Variants in DPH6 observed in about 807,000 individuals in gnomAD.
The protein encoded by DPH6 is diphthine--ammonia ligase.
Under a neutral mutation model 38.2 loss-of-function variants are expected in DPH6, and 33 were observed. That is an observed-to-expected ratio of 0.86 (90% CI 0.65 to 1.15). The LOEUF is 1.15. Among genes scored for constraint, DPH6 ranks in the 50% most tolerant of loss-of-function variants. The pLI is 0.00. For missense variants in DPH6, 325 were observed against 320.0 expected, an observed-to-expected ratio of 1.02 and a Z score of -0.12; for synonymous variants, 108 against 103.0, an observed-to-expected ratio of 1.05 and a Z score of -0.30.
At chr15:35,535,909 C>T (rs1480787564) in intron 3 of DPH6, among the ~76,000 whole-genome samples, 1 of 152,034 alleles carries the variant, frequency 6.6e-6, no homozygotes, top group African/African-American at 2.4e-5. Flanking sequence ...GTAAATTAAA[C>T]TCTTTGCAAA....
rs569568875 is a variant in DPH6 at position 35,419,017 on chromosome 15, G to A, written c.506-8121C>T. 1.0e-3 allele frequency among the ~76,000 whole-genome samples: 154 copies of A among 150,730 alleles called. 1 individual carries two copies. The highest frequency in any genetic ancestry group is 3.6e-3 in the African/African-American group (149 of 40,950). ...TCTATAATTCTTGATAAATCCACTG[G>A]ATACAAGAACTGAATACCTCATGTA... On this transcript the variant is annotated intron_variant, in intron 5 of 8. Coordinates refer to ENST00000256538, the MANE Select transcript of DPH6 (RefSeq NM_080650.4).
intron 4 of DPH6, among the ~76,000 whole-genome samples, chr15:35,451,382 C>A (rs1485879356): frequency 6.6e-6 from 1 of 151,890 alleles, no homozygotes; most frequent in Admixed American, 6.6e-5. Flanking sequence ...AATTTAAAAC[C>A]TCATTTTGTA....
At chr15:35,456,652 T>A (rs1203039680) in intron 3 of DPH6, among the ~76,000 whole-genome samples, 6 of 151,700 alleles carry the variant, frequency 4.0e-5, no homozygotes, top group Non-Finnish European at 8.8e-5. Flanking sequence ...CACGCCCAGC[T>A]AAGTTTTGTA....
At chr15:35,322,643 T>C (rs1204136303) in intron 3 of DPH6, among the ~76,000 whole-genome samples, 2 of 152,222 alleles carry the variant, frequency 1.3e-5, no homozygotes. Context: ...TAACAAGTTT[T>C]GGGTGGGAGC....
chr15:35,446,871 T>TA (rs1329588879), intron 5 of DPH6, among the ~76,000 whole-genome samples: 16 of 141,366 alleles, frequency 1.1e-4, no homozygotes, highest in African/African-American at 4.7e-4. Context: ...AGGTGGAATC[T>TA]TTTTTTTTTT....
At position 35,242,084 on chromosome 15, in the gene DPH6, G is replaced by A. The variant is rs1003077531; in HGVS notation, n.201-21502C>T. On this transcript the variant is annotated intron_variant and non_coding_transcript_variant, in intron 3 of 3. Transcript: ENST00000560386. The stretch of plus-strand genomic sequence containing the variant: ...TCCCAGCCTCTCTTCGCTTTCACTT[G>A]GACTGACCCTGACACCCATCAGGCT... Among the ~76,000 whole-genome samples the A allele has an allele frequency of 5.5e-5, 8 of 144,546 alleles. 1 individual carries two copies. Among genetic ancestry groups the A allele is most frequent in the Non-Finnish European group, 1.5e-5 (1 of 65,754 alleles). 94.8% of individuals were successfully genotyped at this position (144,546 alleles called of 152,430 possible). A position where few individuals can be genotyped will look rare whatever the true frequency, so the allele number is the denominator to read the frequency against.
intron 3 of DPH6, among the ~76,000 whole-genome samples, chr15:35,358,269 T>G (rs1443217485): frequency 6.6e-6 from 1 of 152,238 alleles, no homozygotes; most frequent in Non-Finnish European, 1.5e-5. Flanking sequence ...TCCTTGAATA[T>G]TTCTCCCTTC....
chr15:35,462,640 A>G (rs989528829), intron 3 of DPH6, among the ~76,000 whole-genome samples: 1 of 152,130 alleles, frequency 6.6e-6, no homozygotes, highest in African/African-American at 2.4e-5. Context: ...TTCTCTTTCT[A>G]AAATATCCCT....
At chr15:35,537,347 A>G (rs1172446552) in intron 3 of DPH6, among the ~76,000 whole-genome samples, 2 of 152,142 alleles carry the variant, frequency 1.3e-5, no homozygotes, top group Non-Finnish European at 2.9e-5. Flanking sequence ...AAAAATGGCA[A>G]GACATCAAGA....
intron 5 of DPH6, among the ~76,000 whole-genome samples, chr15:35,436,262 C>T (rs535956453): frequency 1.3e-5 from 2 of 151,536 alleles, no homozygotes; most frequent in African/African-American, 4.9e-5. Flanking sequence ...GTCAGGAGAT[C>T]AAGACCATCT....
intron 5 of DPH6, among the ~76,000 whole-genome samples, chr15:35,414,496 A>T (rs1190555666): frequency 6.6e-6 from 1 of 151,870 alleles, no homozygotes; most frequent in Admixed American, 6.6e-5. Flanking sequence ...AGTACTGGAC[A>T]GCACCTAATG....
chr15:35,190,133 A>AG, the DPH6 span, among the ~76,000 whole-genome samples: 1 of 152,188 alleles, frequency 6.6e-6, no homozygotes, highest in African/African-American at 2.4e-5. Context: ...ATAAAATTTC[A>AG]GGGGGGATAT....
chr15:35,271,245 T>TAAAC (rs58147897), intron 3 of DPH6, among the ~76,000 whole-genome samples: 8,777 of 152,080 alleles, frequency 0.058, 654 homozygotes, highest in East Asian at 0.32. Context: ...TCAATGGAGT[T>TAAAC]AAACAAACAA....
the DPH6 span, among the ~76,000 whole-genome samples, chr15:35,151,593 C>T: frequency 3.9e-5 from 6 of 152,208 alleles, no homozygotes; most frequent in African/African-American, 1.4e-4. Context: ...ATCCCAGCGA[C>T]GTGCACTGTA....
intron 3 of DPH6, chr15:35,298,718 T>TTC: frequency 1.3e-6 from 2 of 1,582,108 alleles, no homozygotes; most frequent in Non-Finnish European, 1.7e-6. Context: ...GAAGCCGTAC[T>TTC]TCTGTATGAT....
At chr15:35,502,061 A>C (rs1403460643) in intron 3 of DPH6, among the ~76,000 whole-genome samples, 1 of 152,152 alleles carries the variant, frequency 6.6e-6, no homozygotes, top group African/African-American at 2.4e-5. Context: ...AAATGCTCAG[A>C]ATATGGGGAA....
chr15:35,412,466 G>A (rs2053379386), intron 5 of DPH6, among the ~76,000 whole-genome samples: 1 of 151,658 alleles, frequency 6.6e-6, no homozygotes, highest in South Asian at 2.1e-4. Flanking sequence ...CGATCCAACT[G>A]TGGTGTTCCT....
rs142826506 is a variant in DPH6, at chr15:35,225,225, C to G, written n.201-4643G>C. Among the ~76,000 whole-genome samples the G allele has an allele frequency of 5.1e-4, 77 of 152,362 alleles. No individual in the cohort carries two copies. In the South Asian group the frequency reaches 6.8e-3, roughly 14 times the overall value. The stretch of plus-strand genomic sequence containing the variant: ...TTACAGGATTTGGGTAAGAATACCA[C>G]AGAGGTGAAATGTCCTTCTCATCAC... On this transcript the variant is annotated intron_variant and non_coding_transcript_variant, in intron 3 of 3. Coordinates refer to the DPH6 transcript ENST00000560386.
intron 3 of DPH6, among the ~76,000 whole-genome samples, chr15:35,494,871 G>C (rs1308579223): frequency 1.3e-5 from 2 of 151,730 alleles, no homozygotes; most frequent in Non-Finnish European, 2.9e-5. Flanking sequence ...AAAGCCTACA[G>C]CAAGTACCAT....
Sources: allele counts gnomAD v4.1 joint callset (sites outside exome capture counted in the v4.1 genomes callset), GRCh38; gene constraint gnomAD v4.1.1; transcripts MANE v1.5; gene names NCBI Gene and HGNC (gene_info 2026-07-23, HGNC 2026-07-21).